MC2R: variants seen among roughly 807,000 people sequenced by gnomAD.
MC2R encodes melanocortin 2 receptor, also known as adrenocorticotropic hormone receptor.
A neutral mutation model predicts 9.8 loss-of-function variants in MC2R; 9 were observed. The observed-to-expected ratio is 0.92, with a 90% CI of 0.55 to 1.60. MC2R has a LOEUF of 1.60. MC2R is among the 40% of genes most tolerant of loss of function. The pLI, the probability that MC2R is intolerant of heterozygous loss-of-function variation, is 0.00. For synonymous variants in MC2R, 185 were observed against 154.7 expected, an observed-to-expected ratio of 1.20 and a Z score of -1.45; for missense variants, 370 against 389.0, an observed-to-expected ratio of 0.95 and a Z score of 0.41.
rs769721256 is a variant in MC2R at position 13,884,711 on chromosome 18, C to T, written c.808G>A (p.Val270Ile). Residue 270 changes from valine to isoleucine, a missense_variant, in exon 2 of 2, where the codon GTC (valine) becomes ATC (isoleucine). Coordinates refer to ENST00000327606, the MANE Select transcript of MC2R (RefSeq NM_000529.2). ...AAGGCATATATGAAGGGGTCAATGA[C>T]GGCATTGCACATGATCAACATGCCG... ...VNGMLIMCNA[V>I]IDPFIYAFRS... The T allele has an allele frequency of 9.7e-5, 156 of 1,613,940 alleles. No homozygotes were observed. Among genetic ancestry groups the T allele is most frequent in the Middle Eastern group, 8.2e-4 (5 of 6,078 alleles).
chr18:13,885,411 A>T lies in MC2R; in HGVS notation c.108T>A (p.Ile36=), dbSNP rs1203183291. ...CGATCAGATTCTCCAAAACTCCAAC[A>T]ATGGAAATTGTGAAAAATATCTCCT... is the stretch of plus-strand genomic sequence containing the variant. The part of the protein sequence containing the change: ...LPEEIFFTIS[I]VGVLENLIVL... Residue 36 remains isoleucine, a synonymous_variant, in exon 2 of 2, where the codon ATT becomes ATA. Transcript: ENST00000327606. 1 of 1,614,000 alleles carries T rather than the reference A, an allele frequency of 6.2e-7. No homozygotes were observed. Among genetic ancestry groups the T allele is most frequent in the African/African-American group, 1.3e-5 (1 of 75,054 alleles).
At chr18:13,899,463 A>G (rs1364963045) in intron 1 of MC2R, among the ~76,000 whole-genome samples, 1 of 152,226 alleles carries the variant, frequency 6.6e-6, no homozygotes, top group African/African-American at 2.4e-5. Flanking sequence ...AAGGGATAAT[A>G]ACAGAGAACT....
intron 1 of MC2R, among the ~76,000 whole-genome samples, chr18:13,912,079 T>G (rs995232220): frequency 8.5e-5 from 13 of 152,206 alleles, no homozygotes; most frequent in South Asian, 2.1e-4. Flanking sequence ...CCACAATGCA[T>G]GTTCAGCAAT....
chr18:13,900,157 T>C (rs2045370375), intron 1 of MC2R, among the ~76,000 whole-genome samples: 1 of 152,206 alleles, frequency 6.6e-6, no homozygotes, highest in Admixed American at 6.5e-5. Flanking sequence ...TTTTGCTTGT[T>C]TGTTTATGCA....
Position 13,884,423 on chromosome 18 carries a change from A to G in MC2R, c.*202T>C, listed in dbSNP as rs2045258223. Reference sequence around the variant, plus strand: ...TTTTACTACATCGTTTTATCTGTCCAGTCACAAAGTTAAGAGGTTGCCCCT... The same window carrying G: ...TTTTACTACATCGTTTTATCTGTCCGGTCACAAAGTTAAGAGGTTGCCCCT... On this transcript the variant is annotated 3_prime_UTR_variant, in exon 2 of 2. Transcript: ENST00000327606. The G allele has an allele frequency of 3.1e-6, 2 of 636,650 alleles. No homozygotes were observed. The highest frequency in any genetic ancestry group is 2.4e-5 in the Admixed American group (1 of 41,216). 39.4% of individuals were successfully genotyped at this position (636,650 alleles called of 1,614,324 possible). A position where few individuals can be genotyped will look rare whatever the true frequency, so the allele number is the denominator to read the frequency against.
intron 1 of MC2R, among the ~76,000 whole-genome samples, chr18:13,888,248 G>A (rs1331544885): frequency 6.6e-6 from 1 of 152,192 alleles, no homozygotes; most frequent in African/African-American, 2.4e-5. Flanking sequence ...CCTGAATTTG[G>A]ACAGATACAC....
intron 1 of MC2R, among the ~76,000 whole-genome samples, chr18:13,910,108 T>A (rs1302646361): frequency 3.3e-5 from 5 of 152,242 alleles, no homozygotes; most frequent in Non-Finnish European, 5.9e-5. Flanking sequence ...AGGAATAAGA[T>A]CTATGTTTAA....
intron 1 of MC2R, among the ~76,000 whole-genome samples, chr18:13,901,657 A>G (rs1277795997): frequency 6.6e-6 from 1 of 152,174 alleles, no homozygotes; most frequent in Non-Finnish European, 1.5e-5. Context: ...TCCCAGATAC[A>G]TATAACCTAA....
Position 13,884,909 on chromosome 18 carries a change from T to G in MC2R, c.610A>C (p.Thr204Pro). 6.2e-7 allele frequency: 1 copy of G among 1,613,840 alleles called. No homozygotes were observed. The highest frequency in any genetic ancestry group is 1.1e-5 in the South Asian group (1 of 91,050). ...VHMFLLARSHTRKISTLPRAN... is the reference protein window; with the variant it reads ...VHMFLLARSHPRKISTLPRAN... ...CTGGGGAGGGTGGAGATCTTCCTGG[T>G]GTGGGATCGAGCCAGCAGGAACATG... Residue 204 changes from threonine to proline, a missense_variant, in exon 2 of 2, where the codon ACC becomes CCC. Transcript: ENST00000327606.
chr18:13,895,893 C>T (rs896500146), intron 1 of MC2R, among the ~76,000 whole-genome samples: 2 of 152,162 alleles, frequency 1.3e-5, no homozygotes, highest in African/African-American at 4.8e-5. Flanking sequence ...GATCAGATAC[C>T]AGACTGGTCT....
chr18:13,894,165 C>T (rs1442352023), intron 1 of MC2R, among the ~76,000 whole-genome samples: 1 of 151,026 alleles, frequency 6.6e-6, no homozygotes, highest in Non-Finnish European at 1.5e-5. Flanking sequence ...TGTGTGCGTG[C>T]ATGTGTGTGT....
chr18:13,904,437 G>A (rs922404814), intron 1 of MC2R, among the ~76,000 whole-genome samples: 1 of 150,384 alleles, frequency 6.6e-6, no homozygotes, highest in Admixed American at 6.6e-5. Flanking sequence ...TTCACAGCTA[G>A]CATCATACTG....
chr18:13,894,025 T>C (rs1392895289), intron 1 of MC2R, among the ~76,000 whole-genome samples: 1 of 152,160 alleles, frequency 6.6e-6, no homozygotes, highest in Non-Finnish European at 1.5e-5. Flanking sequence ...TGATAATAAA[T>C]CTCTGTGTCT....
chr18:13,902,482 A>G (rs1159376357), intron 1 of MC2R, among the ~76,000 whole-genome samples: 1 of 152,156 alleles, frequency 6.6e-6, no homozygotes, highest in African/African-American at 2.4e-5. Flanking sequence ...TGGTACTGGT[A>G]TAAAAACAGA....
chr18:13,912,702 G>A (rs2045451700), intron 1 of MC2R, among the ~76,000 whole-genome samples: 1 of 152,154 alleles, frequency 6.6e-6, no homozygotes, highest in Admixed American at 6.5e-5. Flanking sequence ...TGCTTTGCTA[G>A]GGCCCAGTCA....
intron 1 of MC2R, among the ~76,000 whole-genome samples, chr18:13,897,443 A>G (rs550735645): frequency 6.6e-6 from 1 of 152,288 alleles, no homozygotes; most frequent in South Asian, 2.1e-4. Context: ...CTAGACCACA[A>G]GGACTGTAAC....
chr18:13,897,385 C>A (rs908000450), intron 1 of MC2R, among the ~76,000 whole-genome samples: 1 of 152,180 alleles, frequency 6.6e-6, no homozygotes, highest in African/African-American at 2.4e-5. Context: ...AACCTTGCCA[C>A]AGAAAGCTAC....
Position 13,884,862 on chromosome 18 carries a change from G to T in MC2R, c.657C>A (p.Ile219=). The change falls in exon 2 of 2, where the codon ATC becomes ATA. Residue 219 remains isoleucine, a synonymous_variant. Coordinates refer to ENST00000327606, the MANE Select transcript of MC2R (RefSeq NM_000529.2). ...TLPRANMKGA[I]TLTILLGVFI... is the part of the protein sequence containing the mutation. ...AGACCCCGAGCAGGATGGTCAGTGTGATGGCCCCTTTCATGTTGGCTCTGG... is the reference window on the plus strand; with the variant it reads ...AGACCCCGAGCAGGATGGTCAGTGTTATGGCCCCTTTCATGTTGGCTCTGG... 1 of 1,614,112 alleles carries T rather than the reference G, an allele frequency of 6.2e-7. No individual in the cohort carries two copies. The highest frequency in any genetic ancestry group is 8.5e-7 in the Non-Finnish European group (1 of 1,180,024).
At chr18:13,907,379 G>T (rs1380178232) in intron 1 of MC2R, among the ~76,000 whole-genome samples, 1 of 152,158 alleles carries the variant, frequency 6.6e-6, no homozygotes, top group African/African-American at 2.4e-5. Flanking sequence ...AATCAAGATG[G>T]ATTAAAGACT....
Sources: gnomAD v4.1 joint callset for allele counts (sites outside exome capture counted in the v4.1 genomes callset) on GRCh38, gnomAD v4.1.1 for gene constraint, MANE v1.5 for transcripts, NCBI Gene and HGNC (gene_info 2026-07-23, HGNC 2026-07-21) for gene names.